Variants in NBEAL1 observed in about 807,000 individuals in gnomAD.
NBEAL1 encodes neurobeachin-like protein 1.
In NBEAL1, 273 loss-of-function variants were observed where a neutral mutation model predicts 351.3. That is an observed-to-expected ratio of 0.78 (90% confidence interval 0.70 to 0.86). NBEAL1 has a LOEUF of 0.86. Ranked by LOEUF, NBEAL1 falls within the 40% of genes least tolerant of loss-of-function variation. NBEAL1 has a pLI of 0.00. For synonymous variants in NBEAL1, 1,050 were observed against 1,086.4 expected (o/e 0.97, Z 0.66); for missense variants, 2,961 against 3,201.3 (o/e 0.92, Z 1.81).
chr2:203,120,722 G>C (rs2062810478), intron 18 of NBEAL1, among the ~76,000 whole-genome samples: 1 of 152,094 alleles, frequency 6.6e-6, no homozygotes, highest in Non-Finnish European at 1.5e-5. Context: ...TTTTAGAAAT[G>C]GTCTTAAGCT....
In NBEAL1 at chr2:203,148,996, G is replaced by A; in HGVS notation, c.5310G>A (p.Leu1770=). 1 of 1,607,124 alleles carries A rather than the reference G, an allele frequency of 6.2e-7. No homozygotes were observed. The highest frequency in any genetic ancestry group is 1.7e-4 in the Middle Eastern group (1 of 6,034). Residue 1770 remains leucine (L), a synonymous_variant, in exon 34 of 56, where the codon CTG becomes CTA. Coordinates refer to ENST00000683969, the MANE Select transcript of NBEAL1 (RefSeq NM_001378026.1). ...GGESKLKFQE[L]FVEPFNRKAR... ...CTTTTTATTGTTTCTTTCAGGAGCT[G>A]TTTGTGGAGCCATTTAATCGAAAAG...
chr2:203,074,525 G>A (rs987454745), intron 7 of NBEAL1, among the ~76,000 whole-genome samples: 5 of 151,860 alleles, frequency 3.3e-5, no homozygotes, highest in East Asian at 3.9e-4. Context: ...ATGGGGTTTC[G>A]CCACGTTGAC....
Position 203,217,363 on chromosome 2 carries a change from T to C in NBEAL1, c.*9T>C. The C allele has an allele frequency of 6.4e-7, 1 of 1,565,314 alleles. No homozygotes were observed. The highest frequency in any genetic ancestry group is 8.6e-7 in the Non-Finnish European group (1 of 1,156,460). ...CTCAAGATTCCAAGTGATTGTTATTTCCATTTTCTGTTATGATTACTGAAA... is the reference window on the plus strand; with the variant it reads ...CTCAAGATTCCAAGTGATTGTTATTCCCATTTTCTGTTATGATTACTGAAA... On this transcript the variant is annotated 3_prime_UTR_variant, in exon 56 of 56. Transcript: ENST00000683969.
intron 33 of NBEAL1, among the ~76,000 whole-genome samples, chr2:203,148,575 T>C (rs1212023178): frequency 6.6e-6 from 1 of 152,242 alleles, no homozygotes; most frequent in East Asian, 1.9e-4. Context: ...ATTAAAATTA[T>C]GTCTTTGTAG....
intron 28 of NBEAL1, 21 bp from the exon 29 acceptor site, chr2:203,136,578 A>G: frequency 1.9e-6 from 3 of 1,558,584 alleles, no homozygotes; most frequent in Non-Finnish European, 2.6e-6. Context: ...GTTATTTAAA[A>G]TTACTTTATA....
In NBEAL1 at chr2:203,201,407, G is replaced by C. The variant is rs866437197; in HGVS notation, c.7239-136G>C. On this transcript the variant is annotated intron_variant, in intron 49 of 55. Transcript: ENST00000683969. ...ATAACATGTTTTCTGAAAGTCTATC[G>C]TTTATTAATAGACATTTCAAATAGG... 6.8e-6 allele frequency: 4 copies of C among 588,578 alleles called. No individual in the cohort carries two copies. The East Asian group carries it at 9.8e-5, about 14-fold the overall frequency. 36.5% of individuals were successfully genotyped at this position (588,578 alleles called of 1,614,324 possible). A position where few individuals can be genotyped will look rare whatever the true frequency, so the allele number is the denominator to read the frequency against.
At chr2:203,045,171 A>C (rs1265488489) in intron 3 of NBEAL1, among the ~76,000 whole-genome samples, 1 of 152,150 alleles carries the variant, frequency 6.6e-6, no homozygotes, top group Non-Finnish European at 1.5e-5. Flanking sequence ...TGATTTTTTG[A>C]CTAATTATTT....
intron 49 of NBEAL1, among the ~76,000 whole-genome samples, chr2:203,200,591 G>T (rs1401084455): frequency 1.3e-5 from 2 of 151,700 alleles, no homozygotes; most frequent in Admixed American, 6.6e-5. Flanking sequence ...CTACTCGGGG[G>T]GCTGAGGCAG....
chr2:203,184,670 A>T (rs1322097547), intron 44 of NBEAL1, among the ~76,000 whole-genome samples: 2 of 151,548 alleles, frequency 1.3e-5, no homozygotes, highest in African/African-American at 4.8e-5. Context: ...ATATTTATAA[A>T]ATAAGTATAT....
Position 203,175,303 on chromosome 2 carries a change from A to C in NBEAL1, c.6464+16A>C, listed in dbSNP as rs779831606. ...AGAGTGGAAGGTATGTTTTGAGTAAATAAGCTATTTTTTTATGACTATGTT... is the reference window on the plus strand; with the variant it reads ...AGAGTGGAAGGTATGTTTTGAGTAACTAAGCTATTTTTTTATGACTATGTT... On this transcript the variant is annotated intron_variant, in intron 42 of 55. Transcript: ENST00000683969. The C allele has an allele frequency of 1.2e-6, 2 of 1,613,128 alleles. No homozygotes were observed. Among genetic ancestry groups the C allele is most frequent in the Non-Finnish European group, 1.7e-6 (2 of 1,179,584 alleles).
chr2:203,105,120 G>A (rs569841714), intron 12 of NBEAL1, among the ~76,000 whole-genome samples: 80 of 151,794 alleles, frequency 5.3e-4, no homozygotes, highest in African/African-American at 1.9e-3. Context: ...GCCTCCCAAA[G>A]TCTGGGATCC....
At chr2:203,204,487 C>T (rs1288345761) in intron 51 of NBEAL1, among the ~76,000 whole-genome samples, 1 of 151,704 alleles carries the variant, frequency 6.6e-6, no homozygotes, top group African/African-American at 2.4e-5. Flanking sequence ...TGCACCACCA[C>T]GCCTGGCTAG....
intron 45 of NBEAL1, 24 bp from the exon 46 acceptor site, chr2:203,190,268 T>G: frequency 6.5e-7 from 1 of 1,549,392 alleles, no homozygotes; most frequent in Non-Finnish European, 8.8e-7. Context: ...CACTCTATAG[T>G]AAGTTGACTT....
chr2:203,081,976 C>T (rs1443324344), intron 8 of NBEAL1, among the ~76,000 whole-genome samples: 1 of 152,188 alleles, frequency 6.6e-6, no homozygotes, highest in Non-Finnish European at 1.5e-5. Flanking sequence ...TGATGGTGCA[C>T]ACCTGTGGTC....
Position 203,208,504 on chromosome 2 carries a change from T to C in NBEAL1, c.7507-133T>C, listed in dbSNP as rs1433140962. On this transcript the variant is annotated intron_variant, in intron 51 of 55. Transcript: ENST00000683969. ...GTAGAAATGTAAGAATGAGTACTAT[T>C]ATGAATAGACTCAGTGGTTGTAACT... The C allele has an allele frequency of 1.3e-4, 83 of 650,880 alleles. No individual in the cohort carries two copies. In the East Asian group the frequency reaches 2.4e-3, roughly 19 times the overall value. The allele number at this position is 650,880 out of a possible 1,614,324, so 40.3% of individuals were successfully genotyped here. A position where few individuals can be genotyped will look rare whatever the true frequency, so the allele number is the denominator to read the frequency against.
Position 203,126,644 on chromosome 2 carries a change from C to T in NBEAL1, c.3073C>T (p.Leu1025=). 6.5e-7 allele frequency: 1 copy of T among 1,530,042 alleles called. No homozygotes were observed. The highest frequency in any genetic ancestry group is 8.8e-7 in the Non-Finnish European group (1 of 1,139,012). The allele number at this position is 1,530,042 out of a possible 1,614,324, so 94.8% of individuals were successfully genotyped here. The change falls in exon 22 of 56, where the codon CTG becomes TTG. Residue 1025 remains leucine, a synonymous_variant. Coordinates refer to ENST00000683969, the MANE Select transcript of NBEAL1 (RefSeq NM_001378026.1). ...ATCATTAGAGAAAAATATGCAGCTCCTGCAACAAATGTATCAATATTTACT... is the reference window on the plus strand; with the variant it reads ...ATCATTAGAGAAAAATATGCAGCTCTTGCAACAAATGTATCAATATTTACT... ...QVSLEKNMQL[L]QQMYQYLLFD...
chr2:203,191,207 T>G, intron 46 of NBEAL1: 1 of 1,559,994 alleles, frequency 6.4e-7, no homozygotes, highest in Non-Finnish European at 8.8e-7. Context: ...GGCTGTAATG[T>G]TGATGGCCGC....
intron 15 of NBEAL1, 74 bp downstream of exon 15, chr2:203,110,356 A>C (rs2062538837): frequency 1.4e-6 from 2 of 1,465,956 alleles, no homozygotes; most frequent in South Asian, 2.7e-5. Flanking sequence ...TAAATTCAAC[A>C]GCAGTCATTT....
rs1281749989 is a variant in NBEAL1, at chr2:203,116,038, C to G, written c.2560C>G (p.Pro854Ala). The G allele has an allele frequency of 6.4e-7, 1 of 1,553,634 alleles. No individual in the cohort carries two copies. The highest frequency in any genetic ancestry group is 8.7e-7 in the Non-Finnish European group (1 of 1,147,370). The change falls in exon 18 of 56, where the codon CCT becomes GCT. Residue 854 changes from proline (P) to alanine (A), a missense_variant. Physicochemically the swap from Pro to Ala is conservative, Grantham distance 27 (BLOSUM62 -1). Transcript: ENST00000683969. ...KCQESDMADLPGNILLYYTAK... is the reference protein window; with the variant it reads ...KCQESDMADLAGNILLYYTAK... ...TCAAGAGTCTGACATGGCCGACCTG[C>G]CTGGTAACATCCTTCTTTACTACAC...
Sources: allele counts gnomAD v4.1 joint callset (sites outside exome capture counted in the v4.1 genomes callset), GRCh38; gene constraint gnomAD v4.1.1; transcripts MANE v1.5; gene names NCBI Gene and HGNC (gene_info 2026-07-23, HGNC 2026-07-21).